Variants in WWOX observed in about 807,000 individuals in gnomAD.
WWOX encodes WW domain-containing oxidoreductase.
A neutral mutation model predicts 46.2 loss-of-function variants in WWOX; 69 were observed. That is an observed-to-expected ratio of 1.49 (90% CI 1.23 to 1.82). WWOX has a LOEUF of 1.82. Ranked by LOEUF, WWOX falls within the 40% of genes most tolerant of loss-of-function variation. WWOX has a pLI of 0.00. For missense variants in WWOX, 919 were observed against 542.6 expected (o/e 1.69, Z -6.89); for synonymous variants, 359 against 202.6 (o/e 1.77, Z -6.56).
intron 5 of WWOX, among the ~76,000 whole-genome samples, chr16:78,370,952 A>T (rs1459286468): frequency 6.9e-6 from 1 of 144,986 alleles, no homozygotes; most frequent in African/African-American, 2.5e-5. Context: ...TTTAGAGGTC[A>T]GGTTGCTCTG....
In WWOX at chr16:78,424,970, C is replaced by G; in HGVS notation, c.706C>G (p.His236Asp). 6.2e-6 allele frequency: 10 copies of G among 1,614,170 alleles called. No individual in the cohort carries two copies. The highest frequency in any genetic ancestry group is 8.5e-6 in the Non-Finnish European group (10 of 1,180,030). ...ETTFQVNHLG[H>D]FYLVQLLQDV... ...CACCTTTCAAGTGAATCATCTGGGG[C>G]ACTTCTACCTTGTCCAGCTCCTCCA... The change falls in exon 7 of 9, where the codon CAC becomes GAC. Residue 236 changes from histidine (H) to aspartate (D), a missense_variant. His to Asp is a moderately conservative substitution (Grantham distance 81). Transcript: ENST00000566780.
At chr16:79,107,556 C>G (rs1238301899) in intron 8 of WWOX, among the ~76,000 whole-genome samples, 1 of 152,180 alleles carries the variant, frequency 6.6e-6, no homozygotes, top group Non-Finnish European at 1.5e-5. Context: ...TTGGATAGCC[C>G]AAAGACCAGC....
At chr16:79,118,376 C>T (rs976798789) in intron 8 of WWOX, among the ~76,000 whole-genome samples, 2 of 152,214 alleles carry the variant, frequency 1.3e-5, no homozygotes, top group Middle Eastern at 3.4e-3. Flanking sequence ...ACAATGGGGA[C>T]ATCAAAGATC....
At chr16:78,246,480 T>A (rs1317316364) in intron 5 of WWOX, among the ~76,000 whole-genome samples, 2 of 152,240 alleles carry the variant, frequency 1.3e-5, no homozygotes, top group Admixed American at 1.3e-4. Flanking sequence ...ATAAAACAGT[T>A]AACAGGAAGC....
chr16:78,452,557 C>G (rs2083718616), intron 8 of WWOX, among the ~76,000 whole-genome samples: 1 of 146,194 alleles, frequency 6.8e-6, no homozygotes, highest in Admixed American at 7.0e-5. Context: ...CTCATTGCAA[C>G]CTCTGACTCC....
At chr16:78,832,273 C>T (rs575566496) in intron 8 of WWOX, among the ~76,000 whole-genome samples, 3 of 152,304 alleles carry the variant, frequency 2.0e-5, no homozygotes, top group South Asian at 2.1e-4. Context: ...TGTACAGCTT[C>T]AGGAGCAGCC....
chr16:78,949,726 A>T (rs1032934023), intron 8 of WWOX, among the ~76,000 whole-genome samples: 1 of 152,132 alleles, frequency 6.6e-6, no homozygotes, highest in South Asian at 2.1e-4. Context: ...TCCCTGATCT[A>T]CCTTGCGGGG....
intron 8 of WWOX, among the ~76,000 whole-genome samples, chr16:78,439,336 A>C (rs1005066022): frequency 1.3e-5 from 2 of 152,130 alleles, no homozygotes; most frequent in Non-Finnish European, 2.9e-5. Flanking sequence ...CTGTGGTTGG[A>C]CCACACTGGC....
intron 8 of WWOX, among the ~76,000 whole-genome samples, chr16:78,591,423 A>G (rs559109008): frequency 6.6e-6 from 1 of 152,282 alleles, no homozygotes; most frequent in East Asian, 1.9e-4. Flanking sequence ...AGTGGCCAGC[A>G]CGTAGACCTT....
At chr16:78,832,851 T>C (rs920033177) in intron 8 of WWOX, among the ~76,000 whole-genome samples, 4 of 152,158 alleles carry the variant, frequency 2.6e-5, no homozygotes, top group Non-Finnish European at 4.4e-5. Flanking sequence ...ATGACATCCA[T>C]TTATAATTAT....
At position 78,969,758 on chromosome 16, in the gene WWOX, T is replaced by G. The variant is rs1252467226; in HGVS notation, c.1057-241850T>G. 6.6e-5 allele frequency among the ~76,000 whole-genome samples: 10 copies of G among 152,266 alleles called. No homozygotes were observed. The South Asian group carries it at 2.1e-3, about 32-fold the overall frequency. ...AAAAAGCCAGTCACAAAGGACCCTA[T>G]GTTATATGATTTCATTTACATGAAA... On this transcript the variant is annotated intron_variant, in intron 8 of 8. Transcript: ENST00000566780.
chr16:78,495,913 A>C (rs7184116), intron 8 of WWOX: 112,865 of 152,030 alleles, frequency 0.74, 44,274 homozygotes, highest in Admixed American at 0.87. Context: ...GGTAAAGAAT[A>C]AAAATTAATA....
intron 8 of WWOX, among the ~76,000 whole-genome samples, chr16:78,974,940 G>A (rs1185840537): frequency 6.6e-6 from 1 of 152,162 alleles, no homozygotes; most frequent in Non-Finnish European, 1.5e-5. Flanking sequence ...ATTTAATGAG[G>A]CCTCTCCGGA....
chr16:78,808,382 T>C (rs907570674), intron 8 of WWOX, among the ~76,000 whole-genome samples: 4 of 152,240 alleles, frequency 2.6e-5, no homozygotes, highest in Admixed American at 1.3e-4. Flanking sequence ...GTCTTAGATA[T>C]AGGTGCAAAT....
intron 8 of WWOX, among the ~76,000 whole-genome samples, chr16:78,728,911 T>G (rs1390711552): frequency 6.6e-6 from 1 of 152,164 alleles, no homozygotes; most frequent in Non-Finnish European, 1.5e-5. Flanking sequence ...ATCACCTAAT[T>G]TAGTCATTCC....
chr16:78,813,972 G>T (rs138232339), intron 8 of WWOX, among the ~76,000 whole-genome samples: 4 of 152,088 alleles, frequency 2.6e-5, no homozygotes, highest in Admixed American at 6.6e-5. Flanking sequence ...CAATTCTATA[G>T]GTTCTATTAT....
chr16:78,386,951 G>A lies in WWOX; in HGVS notation c.605+3G>A, dbSNP rs1426337405. Reference sequence around the variant, plus strand: ...GAAGCATTCAAGGCCAAGAATGTGTGAGTGTTCCAGTGGAGGGTTATAGAT... The same window carrying A: ...GAAGCATTCAAGGCCAAGAATGTGTAAGTGTTCCAGTGGAGGGTTATAGAT... On this transcript the variant is annotated splice_donor_region_variant and intron_variant, in intron 6 of 8. Coordinates refer to ENST00000566780, the MANE Select transcript of WWOX (RefSeq NM_016373.4). The A allele has an allele frequency of 1.2e-6, 2 of 1,613,422 alleles. No individual in the cohort carries two copies. The highest frequency in any genetic ancestry group is 2.2e-5 in the East Asian group (1 of 44,878).
At chr16:78,278,997 G>C (rs1486848718) in intron 5 of WWOX, among the ~76,000 whole-genome samples, 1 of 152,110 alleles carries the variant, frequency 6.6e-6, no homozygotes, top group Non-Finnish European at 1.5e-5. Flanking sequence ...TCTGAGGGAT[G>C]CTAGCTCGTT....
At chr16:78,222,344 GAAAA>G (rs397802718) in intron 5 of WWOX, among the ~76,000 whole-genome samples, 8 of 135,502 alleles carry the variant, frequency 5.9e-5, no homozygotes, top group Non-Finnish European at 7.8e-5. Context: ...CGACTTAATA[GAAAA>G]AAAAAAAAAA....
Sources: allele counts gnomAD v4.1 joint callset (sites outside exome capture counted in the v4.1 genomes callset), GRCh38; gene constraint gnomAD v4.1.1; transcripts MANE v1.5; gene names NCBI Gene and HGNC (gene_info 2026-07-23, HGNC 2026-07-21).